Variants in RAPGEF5 observed in about 807,000 individuals in gnomAD.
The protein encoded by RAPGEF5 is M-Ras-regulated GEF.
Under a neutral mutation model 125.2 loss-of-function variants are expected in RAPGEF5, and 65 were observed. The ratio of observed to expected loss-of-function variants is 0.52; its 90% CI spans 0.43 to 0.64. The LOEUF is 0.64. Ranked by LOEUF, RAPGEF5 falls within the 30% of genes least tolerant of loss-of-function variation. RAPGEF5 has a pLI of 0.00. For missense variants in RAPGEF5, 958 were observed against 1,048.1 expected, an observed-to-expected ratio of 0.91 and a Z score of 1.19; for synonymous variants, 391 against 385.9, an observed-to-expected ratio of 1.01 and a Z score of -0.16.
At position 22,273,571 on chromosome 7, in the gene RAPGEF5, T is replaced by G. The variant is rs561320965; in HGVS notation, c.748-6559A>C. On this transcript the variant is annotated intron_variant, in intron 6 of 25. Coordinates refer to ENST00000665637, the MANE Select transcript of RAPGEF5 (RefSeq NM_012294.5). Reference sequence around the variant, plus strand: ...CTTGTTTAATGCAAACAAATATGCATGTTAACTTTATTGTAACTGAGATAA... The same window carrying G: ...CTTGTTTAATGCAAACAAATATGCAGGTTAACTTTATTGTAACTGAGATAA... Among the ~76,000 whole-genome samples the G allele has an allele frequency of 1.9e-3, 287 of 152,340 alleles. 2 individuals carry two copies. The highest frequency in any genetic ancestry group is 6.8e-3 in the African/African-American group (281 of 41,574).
At position 22,132,224 on chromosome 7, in the gene RAPGEF5, C is replaced by T. The variant is rs561776523; in HGVS notation, c.2417-1123G>A. 5.3e-5 allele frequency among the ~76,000 whole-genome samples: 8 copies of T among 152,282 alleles called. No homozygotes were observed. In the South Asian group the frequency reaches 1.7e-3, roughly 32 times the overall value. ...AGATAGGTGGTCCTAAAACTTGCCA[C>T]CAAAACTCTGGGCCACAAAGCTTTT... On this transcript the variant is annotated intron_variant, in intron 23 of 25. Transcript: ENST00000665637.
intron 6 of RAPGEF5, among the ~76,000 whole-genome samples, chr7:22,285,099 G>A (rs1000803397): frequency 1.1e-4 from 17 of 152,180 alleles, no homozygotes; most frequent in Non-Finnish European, 1.2e-4. Flanking sequence ...AGAGCACCGT[G>A]GAGTACCAGT....
chr7:22,205,098 T>C (rs188567467), intron 9 of RAPGEF5, among the ~76,000 whole-genome samples: 6 of 152,300 alleles, frequency 3.9e-5, no homozygotes, highest in East Asian at 1.9e-4. Context: ...TGAATATTAA[T>C]GTGCACCTGG....
At chr7:22,349,141 G>C (rs913210844) in intron 1 of RAPGEF5, among the ~76,000 whole-genome samples, 1 of 151,116 alleles carries the variant, frequency 6.6e-6, no homozygotes, top group African/African-American at 2.4e-5. Flanking sequence ...AGATCAGTAG[G>C]GGCCAAGAAC....
At chr7:22,294,923 G>C (rs116906588) in intron 5 of RAPGEF5, among the ~76,000 whole-genome samples, 3 of 152,160 alleles carry the variant, frequency 2.0e-5, no homozygotes, top group African/African-American at 4.8e-5. Context: ...AATTAACAAA[G>C]ATATCTATTC....
At chr7:22,166,147 G>A (rs1440047174) in intron 12 of RAPGEF5, among the ~76,000 whole-genome samples, 1 of 149,062 alleles carries the variant, frequency 6.7e-6, no homozygotes, top group South Asian at 2.1e-4. Flanking sequence ...AGCTGCTCTT[G>A]AACTCCTGGA....
intron 7 of RAPGEF5, among the ~76,000 whole-genome samples, chr7:22,256,260 G>A (rs913477708): frequency 6.6e-6 from 1 of 152,186 alleles, no homozygotes; most frequent in African/African-American, 2.4e-5. Context: ...AAACTCTACA[G>A]AGTCCTTGAG....
chr7:22,156,450 T>C (rs1315044688), intron 16 of RAPGEF5, among the ~76,000 whole-genome samples: 1 of 152,252 alleles, frequency 6.6e-6, no homozygotes, highest in East Asian at 1.9e-4. Flanking sequence ...TGGTGATCCT[T>C]CCAGTTAGTC....
At chr7:22,236,976 T>G (rs533055902) in intron 7 of RAPGEF5, among the ~76,000 whole-genome samples, 1 of 152,346 alleles carries the variant, frequency 6.6e-6, no homozygotes, top group East Asian at 1.9e-4. Context: ...GGCCAGGCCA[T>G]TAGGTCTTGG....
intron 1 of RAPGEF5, among the ~76,000 whole-genome samples, chr7:22,344,720 T>C (rs1412129231): frequency 6.6e-6 from 1 of 152,254 alleles, no homozygotes; most frequent in Non-Finnish European, 1.5e-5. Flanking sequence ...ATAGCCAGCA[T>C]AGCTGCCATG....
rs935872301 is a variant in RAPGEF5 at position 22,119,670 on chromosome 7, G to A, written c.*2736C>T. 3 of 152,242 alleles carry A rather than the reference G, an allele frequency of 2.0e-5. No homozygotes were observed. The highest frequency in any genetic ancestry group is 6.5e-5 in the Admixed American group (1 of 15,286). 9.4% of individuals were successfully genotyped at this position (152,242 alleles called of 1,614,324 possible). A position where few individuals can be genotyped will look rare whatever the true frequency, so the allele number is the denominator to read the frequency against. ...TGCTGTAACAAAAAGAGCCCACTTAGAAGTGCCCCTGCACCACCTGGTGCC... is the reference window on the plus strand; with the variant it reads ...TGCTGTAACAAAAAGAGCCCACTTAAAAGTGCCCCTGCACCACCTGGTGCC... On this transcript the variant is annotated 3_prime_UTR_variant, in exon 26 of 26. Transcript: ENST00000665637. The surrounding 1 kb of genome is among the most constrained non-coding windows in gnomAD (Gnocchi z 4.1).
intron 8 of RAPGEF5, among the ~76,000 whole-genome samples, chr7:22,221,922 G>A (rs1202909318): frequency 6.6e-6 from 1 of 152,022 alleles, no homozygotes; most frequent in African/African-American, 2.4e-5. Flanking sequence ...CCTACTATAA[G>A]TTCTGAGAAT....
intron 14 of RAPGEF5, among the ~76,000 whole-genome samples, chr7:22,158,329 G>A (rs1323389119): frequency 6.6e-6 from 1 of 152,180 alleles, no homozygotes; most frequent in East Asian, 1.9e-4. Context: ...TCCAGGATGT[G>A]TCTCTGTGTG....
intron 14 of RAPGEF5, 73 bp from the exon 15 acceptor site, chr7:22,157,958 T>A (rs925403572): frequency 3.5e-6 from 5 of 1,432,902 alleles, no homozygotes; most frequent in Non-Finnish European, 9.8e-7. Flanking sequence ...TACGGAAGAC[T>A]AATTTTCCAG....
At chr7:22,336,370 T>G (rs1784026646) in intron 1 of RAPGEF5, among the ~76,000 whole-genome samples, 1 of 152,212 alleles carries the variant, frequency 6.6e-6, no homozygotes. Flanking sequence ...AAATTTAATT[T>G]CATAAAATTA....
intron 4 of RAPGEF5, 31 bp downstream of exon 4, chr7:22,309,938 T>A: frequency 1.3e-6 from 2 of 1,538,680 alleles, no homozygotes; most frequent in Non-Finnish European, 8.7e-7. Flanking sequence ...AATAAAATAA[T>A]GATGCTGTGC....
chr7:22,302,021 G>A (rs1163566685), intron 5 of RAPGEF5, among the ~76,000 whole-genome samples: 2 of 152,152 alleles, frequency 1.3e-5, no homozygotes, highest in Non-Finnish European at 1.5e-5. Flanking sequence ...GCCAAACACG[G>A]AAGCTTAAGA....
At chr7:22,265,409 T>C (rs573690527) in intron 7 of RAPGEF5, among the ~76,000 whole-genome samples, 1 of 152,322 alleles carries the variant, frequency 6.6e-6, no homozygotes, top group South Asian at 2.1e-4. Context: ...CCTCCAGGCT[T>C]ATCCATGATG....
intron 13 of RAPGEF5, among the ~76,000 whole-genome samples, chr7:22,161,407 C>T (rs1331689913): frequency 1.3e-5 from 2 of 151,866 alleles, no homozygotes; most frequent in Non-Finnish European, 2.9e-5. Flanking sequence ...TGTGGTAGTG[C>T]ATGCCTTTAG....
Sources: gnomAD v4.1 joint callset for allele counts (sites outside exome capture counted in the v4.1 genomes callset) on GRCh38, gnomAD v4.1.1 for gene constraint, Gnocchi (gnomAD v3.1) non-coding constraint, MANE v1.5 for transcripts, NCBI Gene and HGNC (gene_info 2026-07-23, HGNC 2026-07-21) for gene names.